C6orf89: variants seen among roughly 807,000 people sequenced by gnomAD.
The protein encoded by C6orf89 is bombesin receptor-activated protein C6orf89.
In C6orf89, 29 loss-of-function variants were observed where a neutral mutation model predicts 40.7. That is an observed-to-expected ratio of 0.71 (90% CI 0.53 to 0.97). The LOEUF is 0.97. C6orf89 is among the 50% of genes least tolerant of loss of function. The pLI is 0.00. For missense variants in C6orf89, 392 were observed against 429.1 expected (o/e 0.91, Z 0.76); for synonymous variants, 165 against 152.2 (o/e 1.08, Z -0.62).
At chr6:36,875,208 G>T (rs1288089981) in intron 1 of C6orf89, among the ~76,000 whole-genome samples, 1 of 152,190 alleles carries the variant, frequency 6.6e-6, no homozygotes, top group East Asian at 1.9e-4. Flanking sequence ...TGCCAGTAAA[G>T]AATTTTTGTA....
At chr6:36,898,457 T>A (rs920988151) in intron 2 of C6orf89, among the ~76,000 whole-genome samples, 1 of 151,942 alleles carries the variant, frequency 6.6e-6, no homozygotes, top group Non-Finnish European at 1.5e-5. Context: ...TTTAGTATTT[T>A]TAGTAGAGGC....
chr6:36,923,206 C>A, intron 8 of C6orf89, 141 bp from the exon 9 acceptor site: 1 of 606,282 alleles, frequency 1.6e-6, no homozygotes. Context: ...AAAAAGGAAA[C>A]TAAATTAAAT....
intron 1 of C6orf89, chr6:36,874,592 CCGCTG>C: frequency 7.6e-7 from 1 of 1,316,958 alleles, no homozygotes; most frequent in South Asian, 1.2e-5. Context: ...GCCGTCTCGG[CCGCTG>C]CTCCACGCCC....
chr6:36,887,863 A>G (rs575476571), intron 1 of C6orf89, among the ~76,000 whole-genome samples: 1 of 151,990 alleles, frequency 6.6e-6, no homozygotes, highest in Non-Finnish European at 1.5e-5. Flanking sequence ...GACTACAGGC[A>G]GGCACCACCA....
intron 1 of C6orf89, chr6:36,874,854 T>A: frequency 6.8e-7 from 1 of 1,473,948 alleles, no homozygotes; most frequent in Non-Finnish European, 9.4e-7. Context: ...TGCTGCACAC[T>A]TCCGGTCCGT....
At chr6:36,878,815 G>T (rs761801667) in intron 1 of C6orf89, among the ~76,000 whole-genome samples, 1 of 152,126 alleles carries the variant, frequency 6.6e-6, no homozygotes, top group Non-Finnish European at 1.5e-5. Flanking sequence ...AACCAATCTC[G>T]CTGTTTCTGT....
intron 1 of C6orf89, among the ~76,000 whole-genome samples, chr6:36,877,075 T>C (rs534979086): frequency 6.6e-6 from 1 of 152,332 alleles, no homozygotes; most frequent in Admixed American, 6.5e-5. Flanking sequence ...CCTGGCTTCC[T>C]TTCCTTAACA....
At chr6:36,873,095 C>T (rs1271721696) in intron 1 of C6orf89, among the ~76,000 whole-genome samples, 1 of 152,246 alleles carries the variant, frequency 6.6e-6, no homozygotes, top group East Asian at 1.9e-4. Flanking sequence ...GTGTGTGGTA[C>T]TCTTTCCCTC....
intron 1 of C6orf89, among the ~76,000 whole-genome samples, chr6:36,873,443 T>C (rs1035202337): frequency 2.6e-5 from 4 of 152,224 alleles, no homozygotes; most frequent in African/African-American, 9.6e-5. Flanking sequence ...TATGATCATA[T>C]GATCCCATTT....
intron 1 of C6orf89, among the ~76,000 whole-genome samples, chr6:36,893,486 T>A (rs1172109791): frequency 6.6e-6 from 1 of 152,214 alleles, no homozygotes; most frequent in Non-Finnish European, 1.5e-5. Context: ...TTGAGAAATG[T>A]GTCATAATCT....
chr6:36,889,132 C>G (rs1187146548), intron 1 of C6orf89, among the ~76,000 whole-genome samples: 1 of 151,998 alleles, frequency 6.6e-6, no homozygotes, highest in Non-Finnish European at 1.5e-5. Context: ...CTGGTGGATA[C>G]CAGCAGAGAA....
upstream of C6orf89, among the ~76,000 whole-genome samples, chr6:36,884,849 G>T (rs545896351): frequency 6.6e-6 from 1 of 152,260 alleles, no homozygotes; most frequent in Admixed American, 6.5e-5. This position sits in a 1 kb window ranked among gnomAD's most constrained non-coding sequence, Gnocchi z 4.0. Context: ...CAAAATGCTA[G>T]AACAGACCAG....
chr6:36,886,899 A>C (rs1775012271), intron 1 of C6orf89, among the ~76,000 whole-genome samples: 1 of 152,198 alleles, frequency 6.6e-6, no homozygotes, highest in Non-Finnish European at 1.5e-5. Flanking sequence ...GCTACATTGA[A>C]GTTTTGACTA....
intron 2 of C6orf89, among the ~76,000 whole-genome samples, chr6:36,897,094 A>C (rs1039787147): frequency 2.1e-5 from 3 of 143,846 alleles, no homozygotes; most frequent in African/African-American, 7.9e-5. Flanking sequence ...GCGCCACTGC[A>C]CTCCAGCCTG....
chr6:36,898,632 C>G, intron 2 of C6orf89, among the ~76,000 whole-genome samples: 1 of 151,790 alleles, frequency 6.6e-6, no homozygotes, highest in East Asian at 1.9e-4. Context: ...TCTACTTTGC[C>G]CCATTAGTTT....
chr6:36,904,018 C>T (rs1761831624), intron 4 of C6orf89, among the ~76,000 whole-genome samples: 1 of 152,012 alleles, frequency 6.6e-6, no homozygotes, highest in Non-Finnish European at 1.5e-5. Context: ...TTGGAGGAAA[C>T]AGCGAGAGAA....
intron 4 of C6orf89, among the ~76,000 whole-genome samples, chr6:36,909,436 A>G (rs1762043970): frequency 3.9e-5 from 6 of 152,160 alleles, no homozygotes; most frequent in Admixed American, 3.9e-4. Flanking sequence ...TTAGAAAACT[A>G]AATAATAGTA....
chr6:36,899,473 T>C lies in C6orf89; in HGVS notation c.29T>C (p.Ile10Thr). ...GATCTTGCTGCCAACGAGATCAGCA[T>C]TTATGACAAACTTTCAGAGACTGTT... MDLAANEIS[I>T]YDKLSETVDL... Residue 10 changes from isoleucine (I) to threonine (T), a missense_variant, in exon 3 of 9, where the codon ATT (isoleucine) becomes ACT (threonine). Ile to Thr is a moderately conservative substitution (Grantham distance 89). Coordinates refer to ENST00000480824, the MANE Select transcript of C6orf89 (RefSeq NM_001286635.2). The C allele has an allele frequency of 6.2e-7, 1 of 1,614,184 alleles. No individual in the cohort carries two copies. The highest frequency in any genetic ancestry group is 8.5e-7 in the Non-Finnish European group (1 of 1,180,034).
intron 2 of C6orf89, among the ~76,000 whole-genome samples, chr6:36,896,522 C>G (rs1419279736): frequency 6.6e-6 from 1 of 151,948 alleles, no homozygotes; most frequent in South Asian, 2.1e-4. Flanking sequence ...TATAGACCAC[C>G]CCCTTATCAG....
Sources: allele counts gnomAD v4.1 joint callset (sites outside exome capture counted in the v4.1 genomes callset), GRCh38; gene constraint gnomAD v4.1.1; non-coding constraint Gnocchi (gnomAD v3.1); transcripts MANE v1.5; gene names NCBI Gene and HGNC (gene_info 2026-07-23, HGNC 2026-07-21).